The following SEC14L1 variants were observed in gnomAD, a reference collection of about 807,000 sequenced individuals.
The protein encoded by SEC14L1 is SEC14-like protein 1.
A neutral mutation model predicts 85.3 loss-of-function variants in SEC14L1; 48 were observed. That is an observed-to-expected ratio of 0.56 (90% CI 0.45 to 0.72). The LOEUF (loss-of-function observed/expected upper bound fraction) is 0.72. SEC14L1 is among the 30% of genes least tolerant of loss of function. The pLI, the probability that SEC14L1 is intolerant of heterozygous loss-of-function variation, is 0.00. For synonymous variants in SEC14L1, 391 were observed against 355.5 expected (o/e 1.10, Z -1.12); for missense variants, 682 against 921.4 (o/e 0.74, Z 3.36).
At chr17:77,209,094 G>A (rs1314937835) in intron 13 of SEC14L1, among the ~76,000 whole-genome samples, 3 of 152,208 alleles carry the variant, frequency 2.0e-5, no homozygotes, top group Non-Finnish European at 2.9e-5. Flanking sequence ...ACGCATTTTA[G>A]TAGGAATTCT....
intron 6 of SEC14L1, 32 bp from the exon 7 acceptor site, chr17:77,194,645 A>C (rs749292127): frequency 1.3e-6 from 2 of 1,534,196 alleles, no homozygotes; most frequent in East Asian, 2.2e-5. Context: ...TGTTGAATAT[A>C]TACTCACCTT....
chr17:77,098,271 G>C (rs938079060), intron 3 of SEC14L1, among the ~76,000 whole-genome samples: 3 of 152,132 alleles, frequency 2.0e-5, no homozygotes, highest in South Asian at 2.1e-4. Context: ...GGCCAAGGCA[G>C]GTGGATCACC....
At chr17:77,107,543 A>G (rs1170983847) in intron 3 of SEC14L1, among the ~76,000 whole-genome samples, 1 of 152,168 alleles carries the variant, frequency 6.6e-6, no homozygotes, top group African/African-American at 2.4e-5. Flanking sequence ...AGAGGGGGAG[A>G]GAGATTGAGA....
At chr17:77,134,273 A>G (rs566876700) in intron 3 of SEC14L1, among the ~76,000 whole-genome samples, 2 of 148,752 alleles carry the variant, frequency 1.3e-5, no homozygotes, top group South Asian at 4.2e-4. Context: ...TTTTGGAGAC[A>G]TGGTCTCTCT....
intron 3 of SEC14L1, among the ~76,000 whole-genome samples, chr17:77,118,873 C>G (rs9914520): frequency 6.6e-6 from 1 of 152,180 alleles, no homozygotes; most frequent in African/African-American, 2.4e-5. Flanking sequence ...AAAGAAATAG[C>G]TAGTACTTTC....
At chr17:77,181,230 C>G (rs1975022500) in intron 3 of SEC14L1, 1 of 152,442 alleles carries the variant, frequency 6.6e-6, no homozygotes, top group Admixed American at 6.5e-5. Context: ...GTTCTTCTCT[C>G]TCTGGGTTTC....
chr17:77,109,002 A>G (rs1303605886), intron 3 of SEC14L1, among the ~76,000 whole-genome samples: 3 of 152,032 alleles, frequency 2.0e-5, no homozygotes, highest in African/African-American at 7.2e-5. Flanking sequence ...TTGTATTTTT[A>G]GTAGAGATGG....
chr17:77,190,259 T>C (rs1975461679), intron 3 of SEC14L1, among the ~76,000 whole-genome samples: 1 of 152,230 alleles, frequency 6.6e-6, no homozygotes, highest in South Asian at 2.1e-4. Flanking sequence ...TACATCTCTG[T>C]TGAAAATCAG....
intron 4 of SEC14L1, 88 bp from the exon 5 acceptor site, chr17:77,191,093 C>T (rs779031353): frequency 7.3e-6 from 11 of 1,511,894 alleles, no homozygotes; most frequent in East Asian, 6.8e-5. Flanking sequence ...TGGAGGGCAG[C>T]CCCCAGAGAC....
Position 77,215,629 on chromosome 17 carries a change from T to C in SEC14L1, c.*1606T>C. 1.0e-6 allele frequency: 1 copy of C among 990,506 alleles called. No homozygotes were observed. The allele number at this position is 990,506 out of a possible 1,614,324, so 61.4% of individuals were successfully genotyped here. On this transcript the variant is annotated 3_prime_UTR_variant, in exon 17 of 17. Transcript: ENST00000436233. ...AGACGTCCCAGGGCCTGTGCTGTGA[T>C]CACCTGCCTTTGGACCACATTTGTG...
chr17:77,198,644 G>A (rs1285868395), intron 8 of SEC14L1, among the ~76,000 whole-genome samples: 4 of 150,590 alleles, frequency 2.7e-5, no homozygotes, highest in South Asian at 2.1e-4. Context: ...GCGCGATCTC[G>A]GCTCACTGCA....
chr17:77,186,956 T>C (rs956075339), intron 3 of SEC14L1, among the ~76,000 whole-genome samples: 1 of 152,234 alleles, frequency 6.6e-6, no homozygotes, highest in African/African-American at 2.4e-5. Context: ...AAGATGGGAA[T>C]TCACAGTTCT....
intron 11 of SEC14L1, 129 bp downstream of exon 11, chr17:77,205,475 C>T (rs1976418183): frequency 1.1e-5 from 9 of 793,964 alleles, no homozygotes; most frequent in African/African-American, 3.5e-5. Context: ...AAGAAGTGAA[C>T]ATGTAATATG....
At chr17:77,192,530 AG>A (rs1265090069) in intron 5 of SEC14L1, among the ~76,000 whole-genome samples, 1 of 152,124 alleles carries the variant, frequency 6.6e-6, no homozygotes, top group East Asian at 1.9e-4. Context: ...TTTGGCTCCA[AG>A]GTGCTCGCTG....
At chr17:77,198,033 T>C (rs1042630112) in intron 8 of SEC14L1, among the ~76,000 whole-genome samples, 6 of 152,266 alleles carry the variant, frequency 3.9e-5, no homozygotes, top group African/African-American at 9.6e-5. Context: ...TCTGACCTTA[T>C]AGATTGTCTA....
At chr17:77,186,529 T>TACTG (rs1975275296) in intron 3 of SEC14L1, among the ~76,000 whole-genome samples, 1 of 152,262 alleles carries the variant, frequency 6.6e-6, no homozygotes, top group South Asian at 2.1e-4. Flanking sequence ...CTCCCTCCTG[T>TACTG]ACTGACTACC....
intron 3 of SEC14L1, among the ~76,000 whole-genome samples, chr17:77,171,950 G>A (rs988208106): frequency 6.6e-5 from 10 of 152,118 alleles, no homozygotes; most frequent in African/African-American, 2.4e-4. Flanking sequence ...AGAGGTCTGG[G>A]TTTAATTTTA....
At chr17:77,191,447 A>T in intron 5 of SEC14L1, 135 bp downstream of exon 5, 1 of 980,682 alleles carries the variant, frequency 1.0e-6, no homozygotes. Context: ...CTCATTTCTC[A>T]TGTGTAGGAG....
rs752744503 is a variant in SEC14L1 at position 77,212,060 on chromosome 17, C to G, written c.1722C>G (p.Pro574=). 4.3e-6 allele frequency: 7 copies of G among 1,614,114 alleles called. No homozygotes were observed. In the South Asian group the frequency reaches 7.7e-5, roughly 18 times the overall value. Residue 574 remains proline, a synonymous_variant, in exon 15 of 17, where the codon CCC becomes CCG. Coordinates refer to ENST00000436233, the MANE Select transcript of SEC14L1 (RefSeq NM_001143998.2). ...ACTCCAAGAGGTCGCCACAACCACC[C>G]AAAAAGGACTCCCTGGGAGCCCACA... is the stretch of plus-strand genomic sequence containing the variant. ...IYHSKRSPQP[P]KKDSLGAHSI...
Sources: gnomAD v4.1 joint callset for allele counts (sites outside exome capture counted in the v4.1 genomes callset) on GRCh38, gnomAD v4.1.1 for gene constraint, MANE v1.5 for transcripts, NCBI Gene and HGNC (gene_info 2026-07-23, HGNC 2026-07-21) for gene names.